GPM6B: variants seen among roughly 807,000 people sequenced by gnomAD.
GPM6B encodes the protein neuronal membrane glycoprotein M6-b.
Under a neutral mutation model 27.2 loss-of-function variants are expected in GPM6B, and 4 were observed. The ratio of observed to expected loss-of-function variants is 0.15; its 90% CI spans 0.07 to 0.34. GPM6B has a LOEUF of 0.34. Among genes scored for constraint, GPM6B ranks in the 10% least tolerant of loss-of-function variants. The probability of loss-of-function intolerance (pLI) is 1.00; values close to 1 mark genes in which losing one functional copy is unlikely to be tolerated. For missense variants in GPM6B, 183 were observed against 261.9 expected, an observed-to-expected ratio of 0.70 and a Z score of 2.08; for synonymous variants, 124 against 103.1, an observed-to-expected ratio of 1.20 and a Z score of -1.23.
At chrX:13,870,946 C>T (rs994041931) in intron 1 of GPM6B, among the ~76,000 whole-genome samples, 1 of 110,588 alleles carries the variant, frequency 9.0e-6, no homozygotes, top group East Asian at 2.8e-4. Context: ...TGGTGCACAC[C>T]TGCAGTCTCA....
intron 1 of GPM6B, among the ~76,000 whole-genome samples, chrX:13,880,675 CAAAA>C (rs57849359): frequency 1.7e-4 from 8 of 46,643 alleles, no homozygotes; most frequent in African/African-American, 8.2e-4. Context: ...GGCTCCATCT[CAAAA>C]AAAAAAAAAA....
intron 1 of GPM6B, among the ~76,000 whole-genome samples, chrX:13,894,381 T>C (rs1209510372): frequency 8.9e-6 from 1 of 112,096 alleles, no homozygotes; most frequent in African/African-American, 3.2e-5. Context: ...CTGGACATAA[T>C]ACTGTGAAAT....
intron 1 of GPM6B, among the ~76,000 whole-genome samples, chrX:13,877,004 T>G (rs759978225): frequency 9.0e-6 from 1 of 111,100 alleles, no homozygotes; most frequent in Non-Finnish European, 1.9e-5. Context: ...TTTCCAGCTG[T>G]GTATTTCAGT....
At chrX:13,803,703 T>C (rs768862788) in intron 2 of GPM6B, among the ~76,000 whole-genome samples, 16 of 112,025 alleles carry the variant, frequency 1.4e-4, no homozygotes, top group South Asian at 7.5e-4. Flanking sequence ...ATGAGAGACA[T>C]TTGAGAATTT....
At chrX:13,811,499 A>AT (rs111741879) in intron 1 of GPM6B, among the ~76,000 whole-genome samples, 1,574 of 112,494 alleles carry the variant, frequency 0.014, 23 homozygotes, top group African/African-American at 0.048. Flanking sequence ...AAGGAATGCC[A>AT]TAACAATGCT....
rs192652968 is a variant in GPM6B at position 13,924,994 on chromosome X, T to C, written c.-198+13333A>G. On this transcript the variant is annotated intron_variant, in intron 1 of 6. Transcript: ENST00000398361. The stretch of plus-strand genomic sequence containing the variant: ...TGAAAATACTACTAGTTGGAAAATA[T>C]AGCACAAGCAAGCAGCTAAAACTCA... 1.4e-3 allele frequency among the ~76,000 whole-genome samples: 155 copies of C among 112,392 alleles called. 1 individual carries two copies. Among genetic ancestry groups the C allele is most frequent in the Non-Finnish European group, 2.5e-3 (133 of 53,273 alleles).
upstream of GPM6B, among the ~76,000 whole-genome samples, chrX:13,821,734 T>C (rs779994535): frequency 3.8e-4 from 42 of 111,322 alleles, no homozygotes; most frequent in Non-Finnish European, 7.4e-4. Flanking sequence ...GTAGCTGGGA[T>C]TACAGGCATG....
intron 1 of GPM6B, among the ~76,000 whole-genome samples, chrX:13,811,219 C>A (rs1475894001): frequency 8.9e-6 from 1 of 112,175 alleles, no homozygotes; most frequent in African/African-American, 3.2e-5. Context: ...GTGGTCATTG[C>A]CAAAGGTGGG....
At chrX:13,783,278 TG>T in intron 4 of GPM6B, 86 bp downstream of exon 4, 2 of 811,153 alleles carry the variant, frequency 2.5e-6, no homozygotes, top group Non-Finnish European at 3.5e-6. Flanking sequence ...GCTCGATACC[TG>T]GTAGCTTTTG....
chrX:13,874,424 G>T (rs1389860376), intron 1 of GPM6B, among the ~76,000 whole-genome samples: 2 of 110,493 alleles, frequency 1.8e-5, no homozygotes, highest in Non-Finnish European at 3.8e-5. Context: ...CAGGGTAGGC[G>T]CAGTGGCCCA....
intron 3 of GPM6B, among the ~76,000 whole-genome samples, chrX:13,784,628 G>A (rs1291075219): frequency 9.0e-6 from 1 of 111,664 alleles, no homozygotes; most frequent in East Asian, 2.8e-4. Context: ...AAAAAGAAAC[G>A]GTAGAAGGAA....
chrX:13,856,854 C>A (rs186659403), intron 1 of GPM6B, among the ~76,000 whole-genome samples: 1 of 110,800 alleles, frequency 9.0e-6, no homozygotes, highest in East Asian at 2.8e-4. Flanking sequence ...CATGCGCCAC[C>A]ATGCCCAGCT....
intron 1 of GPM6B, among the ~76,000 whole-genome samples, chrX:13,893,452 G>A (rs185522438): frequency 2.0e-4 from 22 of 110,014 alleles, no homozygotes; most frequent in Non-Finnish European, 3.2e-4. Context: ...ATTGGCTTCC[G>A]CCTTCTCTCT....
At chrX:13,880,675 CAAA>C (rs57849359) in intron 1 of GPM6B, among the ~76,000 whole-genome samples, 544 of 46,605 alleles carry the variant, frequency 0.012, 24 homozygotes, top group African/African-American at 0.058. Context: ...GGCTCCATCT[CAAA>C]AAAAAAAAAA....
At chrX:13,859,070 CAAGT>C (rs1229995512) in intron 1 of GPM6B, among the ~76,000 whole-genome samples, 1 of 112,578 alleles carries the variant, frequency 8.9e-6, no homozygotes, top group Non-Finnish European at 1.9e-5. Context: ...CAATTTGCAG[CAAGT>C]GTTTTTCTAG....
At chrX:13,867,886 AG>A (rs2049935913) in intron 1 of GPM6B, among the ~76,000 whole-genome samples, 1 of 111,790 alleles carries the variant, frequency 8.9e-6, no homozygotes, top group Admixed American at 9.5e-5. Context: ...CATCAACTTG[AG>A]CCCAAATGAT....
chrX:13,932,231 G>A (rs901553421), intron 1 of GPM6B, among the ~76,000 whole-genome samples: 13 of 111,069 alleles, frequency 1.2e-4, no homozygotes, highest in Non-Finnish European at 2.5e-4. Flanking sequence ...CCTCTGCCAC[G>A]GCTCCTGCTT....
chrX:13,779,705 G>A (rs2048479802), intron 5 of GPM6B, 113 bp downstream of exon 5: 1 of 601,242 alleles, frequency 1.7e-6, no homozygotes, highest in Non-Finnish European at 2.4e-6. Flanking sequence ...TCTAATAGAA[G>A]GGATGAAACA....
chrX:13,783,759 T>C, intron 3 of GPM6B: 1 of 464,451 alleles, frequency 2.2e-6, no homozygotes, highest in African/African-American at 2.3e-5. Flanking sequence ...AGCATCCAGT[T>C]GTAATCTTTT....
Sources: gnomAD v4.1 joint callset for allele counts (sites outside exome capture counted in the v4.1 genomes callset) on GRCh38, gnomAD v4.1.1 for gene constraint, MANE v1.5 for transcripts, NCBI Gene and HGNC (gene_info 2026-07-23, HGNC 2026-07-21) for gene names.